The following NIPAL2 variants were observed in gnomAD, a reference collection of about 807,000 sequenced individuals.
The protein encoded by NIPAL2 is NIPA like domain containing 2.
In NIPAL2, 43 loss-of-function variants were observed where a neutral mutation model predicts 48.9. That is an observed-to-expected ratio of 0.88 (90% confidence interval 0.69 to 1.13). NIPAL2 has a LOEUF of 1.13. Among genes scored for constraint, NIPAL2 ranks in the 50% most tolerant of loss-of-function variants. The probability of loss-of-function intolerance (pLI) is 0.00; values close to 1 mark genes in which losing one functional copy is unlikely to be tolerated. For synonymous variants in NIPAL2, 167 were observed against 174.6 expected (o/e 0.96, Z 0.34); for missense variants, 446 against 461.4 (o/e 0.97, Z 0.31).
At chr8:98,197,081 CTT>C (rs201448578) in intron 8 of NIPAL2, among the ~76,000 whole-genome samples, 3 of 140,994 alleles carry the variant, frequency 2.1e-5, no homozygotes, top group Admixed American at 1.4e-4. Flanking sequence ...TCTTTTTTCT[CTT>C]TTTTTTTTTT....
At chr8:98,243,830 C>A (rs574156412) in intron 3 of NIPAL2, among the ~76,000 whole-genome samples, 1 of 152,178 alleles carries the variant, frequency 6.6e-6, no homozygotes, top group Admixed American at 6.5e-5. Context: ...ATGGGCATTC[C>A]CTTTTTAAAT....
At chr8:98,285,297 T>G (rs368794505) in intron 1 of NIPAL2, among the ~76,000 whole-genome samples, 8 of 152,204 alleles carry the variant, frequency 5.3e-5, no homozygotes, top group African/African-American at 1.9e-4. Flanking sequence ...GGGCATACAG[T>G]GCCCTTTCTC....
At chr8:98,223,819 A>G (rs1166294980) in intron 4 of NIPAL2, among the ~76,000 whole-genome samples, 1 of 152,242 alleles carries the variant, frequency 6.6e-6, no homozygotes, top group Non-Finnish European at 1.5e-5. Flanking sequence ...TCTAATAAGA[A>G]CTTTAAAAAC....
At position 98,284,416 on chromosome 8, in the gene NIPAL2, T is replaced by TCA. The variant is rs1194028776; in HGVS notation, c.135+9586_135+9587insTG. 1.9e-3 allele frequency among the ~76,000 whole-genome samples: 195 copies of TCA among 101,832 alleles called. 1 individual carries two copies. The highest frequency in any genetic ancestry group is 4.3e-3 in the Middle Eastern group (1 of 234). The allele number at this position is 101,832 out of a possible 152,430, so 66.8% of individuals were successfully genotyped here. On this transcript the variant is annotated intron_variant, in intron 1 of 10. Coordinates refer to ENST00000430223, the MANE Select transcript of NIPAL2 (RefSeq NM_001321635.2). Reference sequence around the variant, plus strand: ...CTAAGGCATTCTCTCTCTCTCTCTCTCTCACACACACACACACACACACAC... The same window carrying TCA: ...CTAAGGCATTCTCTCTCTCTCTCTCTCACTCACACACACACACACACACACAC...
chr8:98,261,800 A>G (rs1365829656), intron 1 of NIPAL2, among the ~76,000 whole-genome samples: 1 of 149,666 alleles, frequency 6.7e-6, no homozygotes, highest in Admixed American at 6.7e-5. Context: ...ACTCCTCGAG[A>G]AGAGCAACTC....
rs747493729 is a variant in NIPAL2, at chr8:98,252,534, GTC to G, written c.303_304del (p.Glu101AspfsTer26). ...AAATCCATAGGCTGCAAAGTTCCCCGTCTCTCCCACGGCCATCAGCAGGACAC... is the reference window on the plus strand; with the variant it reads ...AAATCCATAGGCTGCAAAGTTCCCCGTCTCCCACGGCCATCAGCAGGACAC... On this transcript the variant is annotated frameshift_variant, in exon 3 of 11. Transcript: ENST00000430223. LOFTEE classifies it high-confidence loss of function. 6.4e-5 allele frequency: 104 copies of G among 1,613,848 alleles called. No homozygotes were observed. Among genetic ancestry groups the G allele is most frequent in the Non-Finnish European group, 8.6e-5 (102 of 1,180,004 alleles).
At chr8:98,285,251 G>A (rs1476406731) in intron 1 of NIPAL2, among the ~76,000 whole-genome samples, 1 of 152,172 alleles carries the variant, frequency 6.6e-6, no homozygotes, top group Non-Finnish European at 1.5e-5. Context: ...TCCATAGGAG[G>A]AGGACTTGAG....
chr8:98,214,624 A>G (rs1457665716), intron 5 of NIPAL2, among the ~76,000 whole-genome samples: 1 of 152,062 alleles, frequency 6.6e-6, no homozygotes, highest in African/African-American at 2.4e-5. Flanking sequence ...TTCTACCTAC[A>G]ACGCCCTCTC....
intron 1 of NIPAL2, among the ~76,000 whole-genome samples, chr8:98,269,846 C>T (rs10113260): frequency 0.021 from 3,241 of 152,138 alleles, 97 homozygotes; most frequent in African/African-American, 0.074. Flanking sequence ...CCCCCTCCCT[C>T]CTCCAGAGTT....
At chr8:98,286,827 A>AAC (rs1816199593) in intron 1 of NIPAL2, among the ~76,000 whole-genome samples, 1 of 149,366 alleles carries the variant, frequency 6.7e-6, no homozygotes, top group Non-Finnish European at 1.5e-5. Flanking sequence ...AAAAAAAAAA[A>AAC]AAAAAAACCA....
intron 5 of NIPAL2, among the ~76,000 whole-genome samples, chr8:98,220,408 A>ATTTTTTTTTTTTTTTTTTTTTTTTT: frequency 7.1e-6 from 1 of 140,808 alleles, no homozygotes; most frequent in Non-Finnish European, 1.5e-5. Flanking sequence ...GTGTGCTTTG[A>ATTTTTTTTTTTTTTTTTTTTTTTTT]TTTTTTTTTT....
At chr8:98,236,687 C>A (rs1379949229) in intron 3 of NIPAL2, among the ~76,000 whole-genome samples, 1 of 151,558 alleles carries the variant, frequency 6.6e-6, no homozygotes, top group African/African-American at 2.4e-5. Flanking sequence ...CCCATCTCTA[C>A]TTAAAATACA....
chr8:98,291,436 C>A lies in NIPAL2; in HGVS notation c.135+2567G>T, dbSNP rs188519409. 2.6e-4 allele frequency among the ~76,000 whole-genome samples: 40 copies of A among 152,308 alleles called. 2 individuals are homozygous for A. Among genetic ancestry groups the A allele is most frequent in the African/African-American group, 9.4e-4 (39 of 41,574 alleles). On this transcript the variant is annotated intron_variant, in intron 1 of 10. Coordinates refer to ENST00000430223, the MANE Select transcript of NIPAL2 (RefSeq NM_001321635.2). The stretch of plus-strand genomic sequence containing the variant: ...CAAATACCACCTCTCCACAAAACAT[C>A]CCTGATGGCCCAGCCAAATGCCCCT...
At chr8:98,267,861 C>G (rs1814868775) in intron 1 of NIPAL2, among the ~76,000 whole-genome samples, 1 of 152,094 alleles carries the variant, frequency 6.6e-6, no homozygotes, top group African/African-American at 2.4e-5. Flanking sequence ...CCCCTGGAAC[C>G]TACATGAGGC....
At chr8:98,256,458 CA>C (rs1813897169) in intron 1 of NIPAL2, among the ~76,000 whole-genome samples, 2 of 152,074 alleles carry the variant, frequency 1.3e-5, no homozygotes, top group African/African-American at 4.8e-5. Context: ...AATTCAACAA[CA>C]AAAACATCCT....
At chr8:98,195,693 A>G (rs1479842605) in intron 9 of NIPAL2, 1 of 363,090 alleles carries the variant, frequency 2.8e-6, no homozygotes, top group Non-Finnish European at 5.0e-6. Context: ...CAGTGGATGT[A>G]TCTTGTCTTT....
At chr8:98,259,239 G>A (rs900892718) in intron 1 of NIPAL2, among the ~76,000 whole-genome samples, 20 of 150,694 alleles carry the variant, frequency 1.3e-4, no homozygotes, top group African/African-American at 4.6e-4. Context: ...ACCATGCCCG[G>A]CTAATTTTTG....
chr8:98,284,275 T>C (rs1020526096), intron 1 of NIPAL2, among the ~76,000 whole-genome samples: 3 of 152,186 alleles, frequency 2.0e-5, no homozygotes, highest in African/African-American at 7.2e-5. Flanking sequence ...TTGGCTCTCT[T>C]GTTCACAATC....
intron 9 of NIPAL2, 35 bp downstream of exon 9, chr8:98,195,907 A>T (rs368470304): frequency 1.4e-6 from 2 of 1,448,244 alleles, no homozygotes; most frequent in East Asian, 4.6e-5. Context: ...AAGTAATAGA[A>T]TTTCACATGC....
Sources: allele counts gnomAD v4.1 joint callset (sites outside exome capture counted in the v4.1 genomes callset), GRCh38; gene constraint gnomAD v4.1.1; transcripts MANE v1.5; gene names NCBI Gene and HGNC (gene_info 2026-07-23, HGNC 2026-07-21).